The following GPR107 variants were observed in gnomAD, a reference collection of about 807,000 sequenced individuals.
GPR107 encodes the protein protein GPR107.
In GPR107, 31 loss-of-function variants were observed where a neutral mutation model predicts 75.5. The observed-to-expected ratio is 0.41, with a 90% CI of 0.31 to 0.55. The LOEUF (loss-of-function observed/expected upper bound fraction) is 0.55, where lower values mean the gene tolerates loss of function less well. GPR107 is among the 20% of genes least tolerant of loss of function. GPR107 has a pLI of 0.26. For missense variants in GPR107, 572 were observed against 665.7 expected, an observed-to-expected ratio of 0.86 and a Z score of 1.55; for synonymous variants, 267 against 251.3, an observed-to-expected ratio of 1.06 and a Z score of -0.59.
intron 9 of GPR107, among the ~76,000 whole-genome samples, chr9:130,095,521 A>G (rs908108423): frequency 1.8e-4 from 27 of 152,058 alleles, no homozygotes; most frequent in Non-Finnish European, 2.1e-4. Context: ...CAGCCTCCCA[A>G]GTAGCTGGGA....
intron 14 of GPR107, among the ~76,000 whole-genome samples, chr9:130,121,181 TCAAAACAAAACAAAACAAAA>T (rs77505902): frequency 7.1e-6 from 1 of 140,766 alleles, no homozygotes; most frequent in Admixed American, 7.1e-5. Context: ...AGACCCTATC[TCAAAACAAAACAAAACAAAA>T]CAAAACAAAA....
chr9:130,093,780 A>G (rs541967074), intron 9 of GPR107, among the ~76,000 whole-genome samples: 1 of 151,560 alleles, frequency 6.6e-6, no homozygotes, highest in South Asian at 2.1e-4. Flanking sequence ...TGTGAGTTTG[A>G]GACCAGCTTG....
rs1006913739 is a variant in GPR107, at chr9:130,136,103, C to A, written c.*982C>A. 2.6e-5 allele frequency: 4 copies of A among 152,162 alleles called. No homozygotes were observed. The highest frequency in any genetic ancestry group is 5.9e-5 in the Non-Finnish European group (4 of 68,026). The allele number at this position is 152,162 out of a possible 1,614,324, so 9.4% of individuals were successfully genotyped here. A position where few individuals can be genotyped will look rare whatever the true frequency, so the allele number is the denominator to read the frequency against. ...CAAGCAAATCATCCCCATTAAAAAG[C>A]TTTTCCTGTAGGCTAGTAGGATTTC... On this transcript the variant is annotated 3_prime_UTR_variant, in exon 18 of 18. Transcript: ENST00000347136.
At chr9:130,123,538 T>TC (rs998187518) in intron 14 of GPR107, among the ~76,000 whole-genome samples, 7 of 149,896 alleles carry the variant, frequency 4.7e-5, no homozygotes, top group African/African-American at 1.7e-4. Flanking sequence ...TTCTTTTTTT[T>TC]TTTTTTTTTT....
At position 130,124,984 on chromosome 9, in the gene GPR107, ATCCTC is replaced by A; in HGVS notation, c.1356+21_1356+25del. 2.3e-5 allele frequency: 22 copies of A among 948,742 alleles called. No homozygotes were observed. The highest frequency in any genetic ancestry group is 3.1e-5 in the Non-Finnish European group (20 of 641,940). 58.8% of individuals were successfully genotyped at this position (948,742 alleles called of 1,614,324 possible). A position where few individuals can be genotyped will look rare whatever the true frequency, so the allele number is the denominator to read the frequency against. ...GTCTTGGTAAGTAAAAAAAAAAAAA[ATCCTC>A]AATCTATAAATAAAATCAATTCAAG... On this transcript the variant is annotated intron_variant, in intron 15 of 17. Transcript: ENST00000347136.
At chr9:130,064,222 G>A (rs1388305119) in intron 1 of GPR107, among the ~76,000 whole-genome samples, 5 of 108,530 alleles carry the variant, frequency 4.6e-5, no homozygotes, top group Admixed American at 2.9e-4. Context: ...ACGGAGTCTC[G>A]CTCTGTCGCC....
intron 14 of GPR107, among the ~76,000 whole-genome samples, chr9:130,121,765 C>T (rs999433194): frequency 3.3e-5 from 5 of 152,236 alleles, no homozygotes; most frequent in Non-Finnish European, 5.9e-5. Context: ...GTCAGGACAC[C>T]TTGAAACCCA....
chr9:130,086,917 G>A (rs1830627034), intron 7 of GPR107, among the ~76,000 whole-genome samples: 1 of 152,172 alleles, frequency 6.6e-6, no homozygotes, highest in Non-Finnish European at 1.5e-5. Flanking sequence ...TTAGCTGTCA[G>A]AGTTATTAAT....
At chr9:130,118,826 C>T (rs188823112) in intron 14 of GPR107, among the ~76,000 whole-genome samples, 25 of 152,306 alleles carry the variant, frequency 1.6e-4, no homozygotes, top group African/African-American at 5.8e-4. Flanking sequence ...AAGGAATTCT[C>T]CTCCACATGA....
At chr9:130,066,986 C>CA (rs756449761) in intron 1 of GPR107, among the ~76,000 whole-genome samples, 167 of 120,024 alleles carry the variant, frequency 1.4e-3, no homozygotes, top group Middle Eastern at 4.2e-3. Context: ...ACTCCGTCTC[C>CA]AAAAAAAAAA....
At chr9:130,107,343 C>T (rs879679989) in intron 13 of GPR107, among the ~76,000 whole-genome samples, 153 bp from the exon 14 acceptor site, 2 of 152,190 alleles carry the variant, frequency 1.3e-5, no homozygotes, top group Non-Finnish European at 1.5e-5. Context: ...CATTTCCCCC[C>T]CTCTACCCGT....
rs975247628 is a variant in GPR107, at chr9:130,133,122, G to A, written c.1563-1903G>A. 8 of 152,166 alleles carry A rather than the reference G, an allele frequency of 5.3e-5. No homozygotes were observed. In the East Asian group the frequency reaches 7.7e-4, roughly 15 times the overall value. 9.4% of individuals were successfully genotyped at this position (152,166 alleles called of 1,614,324 possible). A position where few individuals can be genotyped will look rare whatever the true frequency, so the allele number is the denominator to read the frequency against. ...GAAGTGGCTTTGCAGGGTTGCTGTG[G>A]AAGACCATCTCTTCTCCTGGGCTGT... On this transcript the variant is annotated intron_variant, in intron 17 of 17. Transcript: ENST00000347136.
intron 14 of GPR107, among the ~76,000 whole-genome samples, chr9:130,109,193 C>A (rs1831235127): frequency 6.6e-6 from 1 of 151,544 alleles, no homozygotes. Context: ...TTTTTTAAGA[C>A]AGAGCTTTGC....
chr9:130,129,542 T>G (rs1273707192), intron 17 of GPR107: 3 of 152,256 alleles, frequency 2.0e-5, no homozygotes, highest in Non-Finnish European at 2.9e-5. Flanking sequence ...ATGGGACAGC[T>G]CTCTCTGCTC....
In GPR107 at chr9:130,112,687, C is replaced by T. The variant is rs1054957049; in HGVS notation, c.1306+5148C>T. Among the ~76,000 whole-genome samples the T allele has an allele frequency of 6.6e-6, 1 of 152,122 alleles. No homozygotes were observed. The highest frequency in any genetic ancestry group is 2.4e-5 in the African/African-American group (1 of 41,420). ...ATGGGTGTGGCCTTGAGGGAAAGTACGTGTGCACTTGTTTGAATTGCAAGC... is the reference window on the plus strand; with the variant it reads ...ATGGGTGTGGCCTTGAGGGAAAGTATGTGTGCACTTGTTTGAATTGCAAGC... On this transcript the variant is annotated intron_variant, in intron 14 of 17. Transcript: ENST00000347136. This position sits in a 1 kb window ranked among gnomAD's most constrained non-coding sequence, Gnocchi z 4.0.
rs1378877962 is a variant in GPR107 at position 130,112,147 on chromosome 9, G to A, written c.1306+4608G>A. ...TCACCATCCTTTTTTTGGGCCTTGT[G>A]TTTCTGAGGAAAAGTCAGAAGATGT... On this transcript the variant is annotated intron_variant, in intron 14 of 17. Transcript: ENST00000347136. This position sits in a 1 kb window ranked among gnomAD's most constrained non-coding sequence, Gnocchi z 4.0. Among the ~76,000 whole-genome samples the A allele has an allele frequency of 2.6e-5, 4 of 152,156 alleles. No individual in the cohort carries two copies. The highest frequency in any genetic ancestry group is 9.7e-5 in the African/African-American group (4 of 41,436).
At chr9:130,109,352 G>A (rs984446796) in intron 14 of GPR107, among the ~76,000 whole-genome samples, 10 of 151,690 alleles carry the variant, frequency 6.6e-5, no homozygotes, top group Admixed American at 2.6e-4. Flanking sequence ...TGTGTTTTTA[G>A]TACAGATGAG....
chr9:130,122,089 C>T (rs1831562030), intron 14 of GPR107, among the ~76,000 whole-genome samples: 1 of 152,088 alleles, frequency 6.6e-6, no homozygotes, highest in South Asian at 2.1e-4. Flanking sequence ...ACGGGGGTTT[C>T]ACCGTGTTAG....
intron 14 of GPR107, among the ~76,000 whole-genome samples, chr9:130,122,699 G>T (rs1831576375): frequency 6.6e-6 from 1 of 152,140 alleles, no homozygotes; most frequent in South Asian, 2.1e-4. Flanking sequence ...GCTCAGAGTT[G>T]GGGCTTGGTG....
Sources: gnomAD v4.1 joint callset for allele counts (sites outside exome capture counted in the v4.1 genomes callset) on GRCh38, gnomAD v4.1.1 for gene constraint, Gnocchi (gnomAD v3.1) non-coding constraint, MANE v1.5 for transcripts, NCBI Gene and HGNC (gene_info 2026-07-23, HGNC 2026-07-21) for gene names.